The following NALCN variants were observed in gnomAD, a reference collection of about 807,000 sequenced individuals.
NALCN encodes sodium leak channel NALCN.
In NALCN, 111 loss-of-function variants were observed where a neutral mutation model predicts 225.3. The ratio of observed to expected loss-of-function variants is 0.49; its 90% CI spans 0.42 to 0.58. The LOEUF (loss-of-function observed/expected upper bound fraction) is 0.58, where lower values mean the gene tolerates loss of function less well. NALCN is among the 20% of genes least tolerant of loss of function. The pLI is 0.00. For missense variants in NALCN, 1,378 were observed against 2,202.4 expected (o/e 0.63, Z 7.49); for synonymous variants, 764 against 769.0 (o/e 0.99, Z 0.11).
At chr13:101,377,341 T>C (rs763405548) in intron 4 of NALCN, among the ~76,000 whole-genome samples, 9 of 152,210 alleles carry the variant, frequency 5.9e-5, no homozygotes, top group Non-Finnish European at 1.0e-4. Flanking sequence ...TTAGAATATA[T>C]AGTAAGTATG....
chr13:101,239,963 A>G (rs1594507483), intron 11 of NALCN, among the ~76,000 whole-genome samples: 1 of 152,132 alleles, frequency 6.6e-6, no homozygotes, highest in East Asian at 1.9e-4. Context: ...ATTTCTTTTT[A>G]AAGTAATTAA....
chr13:101,328,786 T>C (rs1229662548), intron 7 of NALCN, among the ~76,000 whole-genome samples: 1 of 152,176 alleles, frequency 6.6e-6, no homozygotes, highest in Non-Finnish European at 1.5e-5. Flanking sequence ...ATCCCTATTT[T>C]ACAGGGCAGA....
intron 11 of NALCN, among the ~76,000 whole-genome samples, chr13:101,256,984 C>A (rs1016770528): frequency 6.6e-6 from 1 of 152,068 alleles, no homozygotes; most frequent in South Asian, 2.1e-4. Context: ...AGGCTTGTCT[C>A]GAACTCCTGA....
intron 7 of NALCN, among the ~76,000 whole-genome samples, chr13:101,329,406 T>C (rs2045079016): frequency 6.6e-6 from 1 of 152,188 alleles, no homozygotes; most frequent in African/African-American, 2.4e-5. Flanking sequence ...TTGTTCTCAG[T>C]ACTCAATAAT....
Position 101,073,689 on chromosome 13 carries a change from A to G in NALCN, c.4104-12T>C. The G allele has an allele frequency of 1.9e-6, 3 of 1,603,232 alleles. No individual in the cohort carries two copies. Among genetic ancestry groups the G allele is most frequent in the Non-Finnish European group, 2.6e-6 (3 of 1,172,584 alleles). On this transcript the variant is annotated splice_polypyrimidine_tract_variant and intron_variant, in intron 36 of 43. Coordinates refer to ENST00000251127, the MANE Select transcript of NALCN (RefSeq NM_052867.4). ...AAAAATTTGCATGCCTAATTTAAGA[A>G]AAAAAAATTAACAGAATGTGAATTA... is the stretch of plus-strand genomic sequence containing the variant.
chr13:101,184,220 G>A (rs1314421241), intron 14 of NALCN, among the ~76,000 whole-genome samples: 2 of 152,160 alleles, frequency 1.3e-5, no homozygotes, highest in Non-Finnish European at 2.9e-5. Flanking sequence ...ATTCAGTGTG[G>A]AAAATGCCAC....
At chr13:101,153,508 C>G (rs1300711704) in intron 15 of NALCN, among the ~76,000 whole-genome samples, 1 of 152,182 alleles carries the variant, frequency 6.6e-6, no homozygotes, top group Non-Finnish European at 1.5e-5. Context: ...CGAAAATAGG[C>G]AGTTAAACCA....
At chr13:101,151,864 A>G (rs2037667534) in intron 15 of NALCN, among the ~76,000 whole-genome samples, 1 of 152,220 alleles carries the variant, frequency 6.6e-6, no homozygotes, top group South Asian at 2.1e-4. Context: ...TAAAACCTTA[A>G]TATGCAAATA....
intron 7 of NALCN, among the ~76,000 whole-genome samples, chr13:101,312,229 C>G (rs953509277): frequency 2.6e-5 from 4 of 151,894 alleles, no homozygotes; most frequent in Non-Finnish European, 5.9e-5. Context: ...TTTTTTATTG[C>G]GTCTATTTGA....
At chr13:101,371,439 C>T (rs958723947) in intron 6 of NALCN, among the ~76,000 whole-genome samples, 4 of 152,160 alleles carry the variant, frequency 2.6e-5, no homozygotes, top group African/African-American at 9.7e-5. Flanking sequence ...CCACCTCAGT[C>T]TCCCAAAGTG....
chr13:101,274,473 A>G (rs771659044), intron 10 of NALCN, among the ~76,000 whole-genome samples: 1 of 152,196 alleles, frequency 6.6e-6, no homozygotes, highest in Non-Finnish European at 1.5e-5. Context: ...AACAGATCGT[A>G]TTAGTACCTA....
At chr13:101,228,551 G>T (rs966615866) in intron 13 of NALCN, among the ~76,000 whole-genome samples, 1 of 152,126 alleles carries the variant, frequency 6.6e-6, no homozygotes, top group African/African-American at 2.4e-5. Context: ...TCCCCCTTTA[G>T]CTTGGCTCTC....
At chr13:101,157,022 A>G (rs1405225843) in intron 15 of NALCN, among the ~76,000 whole-genome samples, 1 of 152,212 alleles carries the variant, frequency 6.6e-6, no homozygotes, top group Admixed American at 6.5e-5. Context: ...ATTTTATTAA[A>G]AACAAGTGGA....
intron 30 of NALCN, among the ~76,000 whole-genome samples, chr13:101,088,048 G>A (rs2034019293): frequency 6.6e-6 from 1 of 151,930 alleles, no homozygotes; most frequent in African/African-American, 2.4e-5. Flanking sequence ...ACTCAACACT[G>A]TAGGGCTCAA....
chr13:101,148,085 T>C (rs1285004199), intron 15 of NALCN, among the ~76,000 whole-genome samples: 1 of 152,110 alleles, frequency 6.6e-6, no homozygotes, highest in African/African-American at 2.4e-5. Flanking sequence ...CATCTGCAAT[T>C]TCTTACGGGT....
At chr13:101,274,793 T>C (rs752767296) in intron 10 of NALCN, among the ~76,000 whole-genome samples, 1 of 152,148 alleles carries the variant, frequency 6.6e-6, no homozygotes, top group East Asian at 1.9e-4. Flanking sequence ...TTTTTTTAGC[T>C]CTTAATAAAC....
At chr13:101,342,779 C>T (rs1006967890) in intron 7 of NALCN, among the ~76,000 whole-genome samples, 1 of 152,112 alleles carries the variant, frequency 6.6e-6, no homozygotes, top group Non-Finnish European at 1.5e-5. Context: ...GATGTCTTTA[C>T]TCTTCAATCT....
At chr13:101,294,343 A>G (rs924113877) in intron 7 of NALCN, among the ~76,000 whole-genome samples, 3 of 152,196 alleles carry the variant, frequency 2.0e-5, no homozygotes, top group Admixed American at 6.5e-5. Context: ...TGTTCCCAAC[A>G]CATAGAAATG....
intron 7 of NALCN, among the ~76,000 whole-genome samples, chr13:101,313,292 A>C (rs2044422837): frequency 6.6e-6 from 1 of 152,208 alleles, no homozygotes; most frequent in Non-Finnish European, 1.5e-5. Context: ...CATGTCTAAA[A>C]CACCAAAAGC....
Sources: gnomAD v4.1 joint callset for allele counts (sites outside exome capture counted in the v4.1 genomes callset) on GRCh38, gnomAD v4.1.1 for gene constraint, MANE v1.5 for transcripts, NCBI Gene and HGNC (gene_info 2026-07-23, HGNC 2026-07-21) for gene names.